The following SYNE2 variants were observed in gnomAD, a reference collection of about 807,000 sequenced individuals.
SYNE2 encodes spectrin repeat containing nuclear envelope protein 2, also known as nesprin-2.
A neutral mutation model predicts 856.3 loss-of-function variants in SYNE2; 431 were observed. The observed-to-expected ratio is 0.50, with a 90% CI of 0.47 to 0.55. The LOEUF (loss-of-function observed/expected upper bound fraction) is 0.55. Among genes scored for constraint, SYNE2 ranks in the 20% least tolerant of loss-of-function variants. The pLI is 0.00. For missense variants in SYNE2, 8,129 were observed against 8,023.2 expected (o/e 1.01, Z -0.50); for synonymous variants, 2,923 against 2,872.3 (o/e 1.02, Z -0.56).
chr14:63,948,458 T>G (rs1242271915), intron 6 of SYNE2, among the ~76,000 whole-genome samples: 3 of 151,650 alleles, frequency 2.0e-5, no homozygotes, highest in African/African-American at 7.3e-5. Context: ...GGTGAGGAGT[T>G]CGAGACCAAC....
intron 1 of SYNE2, among the ~76,000 whole-genome samples, chr14:63,838,157 G>C (rs1595160706): frequency 1.3e-5 from 2 of 151,892 alleles, no homozygotes; most frequent in South Asian, 2.1e-4. Flanking sequence ...ATCATCTGGG[G>C]TCAGGAGTTT....
chr14:63,842,398 C>CGCCG (rs1890097158), intron 1 of SYNE2, among the ~76,000 whole-genome samples: 1 of 147,094 alleles, frequency 6.8e-6, no homozygotes. Context: ...GTGATTTGCC[C>CGCCG]ACCTCAGCCT....
Position 64,024,240 on chromosome 14 carries a change from T to A in SYNE2, c.5638-17T>A. 6.2e-7 allele frequency: 1 copy of A among 1,613,148 alleles called. No homozygotes were observed. Among genetic ancestry groups the A allele is most frequent in the Non-Finnish European group, 8.5e-7 (1 of 1,179,456 alleles). ...GACTTGCCAGGAGATTGTAATGGAC[T>A]TTTTGTCTTTCTGAAGGATTTCTTG... On this transcript the variant is annotated splice_polypyrimidine_tract_variant and intron_variant, in intron 38 of 115. Coordinates refer to ENST00000555002, the MANE Select transcript of SYNE2 (RefSeq NM_182914.3).
intron 100 of SYNE2, among the ~76,000 whole-genome samples, chr14:64,204,796 C>G (rs2098597253): frequency 6.6e-6 from 1 of 152,136 alleles, no homozygotes; most frequent in Non-Finnish European, 1.5e-5. Flanking sequence ...ACAGATTTAG[C>G]AGCTTAAAAA....
chr14:64,146,333 C>G (rs566520691), intron 84 of SYNE2, 110 bp downstream of exon 84: 1 of 1,000,366 alleles, frequency 1.0e-6, no homozygotes, highest in South Asian at 2.4e-5. Context: ...TTCCAGCTCC[C>G]CTCTATTTAC....
intron 1 of SYNE2, among the ~76,000 whole-genome samples, chr14:63,908,016 G>T (rs2095429067): frequency 6.6e-6 from 1 of 152,114 alleles, no homozygotes; most frequent in African/African-American, 2.4e-5. Flanking sequence ...GGGCAGGCAG[G>T]ATTGAAAGAT....
rs2098661887 is a variant in SYNE2 at position 64,215,466 on chromosome 14, C to T, written c.19402+112C>T. Reference sequence around the variant, plus strand: ...CTCTGCCTTCTGTGGACACCATGCGCCTTGGTCCTTGTGTCATGGTGTATT... The same window carrying T: ...CTCTGCCTTCTGTGGACACCATGCGTCTTGGTCCTTGTGTCATGGTGTATT... On this transcript the variant is annotated intron_variant, in intron 107 of 115. Coordinates refer to ENST00000555002, the MANE Select transcript of SYNE2 (RefSeq NM_182914.3). 15 of 1,038,868 alleles carry T rather than the reference C, an allele frequency of 1.4e-5. No individual in the cohort carries two copies. The South Asian group carries it at 1.9e-4, about 13-fold the overall frequency. 64.4% of individuals were successfully genotyped at this position (1,038,868 alleles called of 1,614,324 possible).
chr14:63,994,950 C>G, intron 22 of SYNE2, 94 bp from the exon 23 acceptor site: 1 of 833,996 alleles, frequency 1.2e-6, no homozygotes, highest in Non-Finnish European at 1.8e-6. Flanking sequence ...TGTTTCTGTC[C>G]TTTTGTCACT....
At chr14:64,159,530 C>T in intron 87 of SYNE2, 88 bp downstream of exon 87, 2 of 1,476,874 alleles carry the variant, frequency 1.4e-6, no homozygotes, top group Non-Finnish European at 1.9e-6. Flanking sequence ...GTAAAGTCTT[C>T]TTCCTCCTCT....
chr14:63,986,916 T>C (rs1410819378), intron 19 of SYNE2, among the ~76,000 whole-genome samples: 2 of 152,014 alleles, frequency 1.3e-5, no homozygotes, highest in African/African-American at 4.8e-5. Flanking sequence ...AGGAGACGAG[T>C]GAGTTCAGTC....
chr14:64,185,347 C>T (rs535594983), intron 96 of SYNE2, among the ~76,000 whole-genome samples: 1 of 152,112 alleles, frequency 6.6e-6, no homozygotes, highest in East Asian at 1.9e-4. Flanking sequence ...TTAAAATGTG[C>T]CAAGTCATGA....
rs2098343854 is a variant in SYNE2 at position 64,163,400 on chromosome 14, A to T, written c.16300-2A>T. 1 of 1,613,748 alleles carries T rather than the reference A, an allele frequency of 6.2e-7. No homozygotes were observed. The highest frequency in any genetic ancestry group is 8.5e-7 in the Non-Finnish European group (1 of 1,180,028). ...TGTTTGCCATCCCTTTTTCTTCTGC[A>T]GGAGCTGCAGCATGATGTGCAGAAA... is the stretch of plus-strand genomic sequence containing the variant. On this transcript the variant is annotated splice_acceptor_variant, in intron 88 of 115. Transcript: ENST00000555002. LOFTEE classifies it high-confidence loss of function.
intron 23 of SYNE2, among the ~76,000 whole-genome samples, chr14:63,995,735 A>G (rs559287353): frequency 3.8e-5 from 2 of 52,216 alleles, no homozygotes; most frequent in African/African-American, 2.6e-4. Flanking sequence ...CTATCCATCT[A>G]TCTATCTATC....
At position 64,177,441 on chromosome 14, in the gene SYNE2, A is replaced by G; in HGVS notation, c.17514A>G (p.Pro5838=). 6.2e-7 allele frequency: 1 copy of G among 1,614,216 alleles called. No individual in the cohort carries two copies. Among genetic ancestry groups the G allele is most frequent in the Admixed American group, 1.7e-5 (1 of 60,030 alleles). ...AGGCACAAAGTGAAGATCCTCTTCCAGAGCTTCACGAGGACCTCCATAACG... is the reference window on the plus strand; with the variant it reads ...AGGCACAAAGTGAAGATCCTCTTCCGGAGCTTCACGAGGACCTCCATAACG... ...VLKAQSEDPL[P]ELHEDLHNEK... The change falls in exon 96 of 116, where the codon CCA becomes CCG. Residue 5838 remains proline (P), a synonymous_variant. Coordinates refer to ENST00000555002, the MANE Select transcript of SYNE2 (RefSeq NM_182914.3).
Position 64,002,695 on chromosome 14 carries a change from T to G in SYNE2, c.3787-25T>G, listed in dbSNP as rs888866494. 8 of 1,609,590 alleles carry G rather than the reference T, an allele frequency of 5.0e-6. No homozygotes were observed. In the African/African-American group the frequency reaches 9.4e-5, roughly 19 times the overall value. On this transcript the variant is annotated intron_variant, in intron 29 of 115. Coordinates refer to ENST00000555002, the MANE Select transcript of SYNE2 (RefSeq NM_182914.3). ...CCTTTCTTTTTTCCACCTCAGTGTT[T>G]TAGCTTTTCTTATCTTTATTTTAGA...
intron 21 of SYNE2, among the ~76,000 whole-genome samples, chr14:63,992,230 G>GA (rs1354812185): frequency 7.1e-6 from 1 of 141,384 alleles, no homozygotes; most frequent in Non-Finnish European, 1.6e-5. Context: ...GTCTGGTCAG[G>GA]AAAAAGAGAA....
chr14:64,215,807 C>A, intron 107 of SYNE2: 1 of 545,718 alleles, frequency 1.8e-6, no homozygotes, highest in Non-Finnish European at 2.7e-6. Context: ...CCTTGATTTG[C>A]AGCTCTAATC....
chr14:63,973,024 G>A (rs899854159), intron 11 of SYNE2, among the ~76,000 whole-genome samples: 1 of 152,122 alleles, frequency 6.6e-6, no homozygotes, highest in African/African-American at 2.4e-5. Context: ...GGAGGCTGAG[G>A]CAGGCAGATC....
chr14:64,127,659 G>A (rs974856682), intron 73 of SYNE2, among the ~76,000 whole-genome samples: 3 of 152,180 alleles, frequency 2.0e-5, no homozygotes, highest in African/African-American at 7.2e-5. Flanking sequence ...GTGAATTGGA[G>A]AGGCAGAGAC....
Sources: gnomAD v4.1 joint callset for allele counts (sites outside exome capture counted in the v4.1 genomes callset) on GRCh38, gnomAD v4.1.1 for gene constraint, MANE v1.5 for transcripts, NCBI Gene and HGNC (gene_info 2026-07-23, HGNC 2026-07-21) for gene names.